PABPN1L: variants seen among roughly 807,000 people sequenced by gnomAD.
The protein encoded by PABPN1L is PABPN1 like, cytoplasmic.
In PABPN1L, 45 loss-of-function variants were observed where a neutral mutation model predicts 34.0. The ratio of observed to expected loss-of-function variants is 1.32; its 90% CI spans 1.04 to 1.70. The LOEUF (loss-of-function observed/expected upper bound fraction) is 1.70, where lower values mean the gene tolerates loss of function less well. Ranked by LOEUF, PABPN1L falls within the 40% of genes most tolerant of loss-of-function variation. The probability of loss-of-function intolerance (pLI) is 0.00; values close to 1 mark genes in which losing one functional copy is unlikely to be tolerated. For synonymous variants in PABPN1L, 182 were observed against 152.1 expected (o/e 1.20, Z -1.45); for missense variants, 459 against 367.8 (o/e 1.25, Z -2.03).
At chr16:88,867,805 T>G (rs965008070), upstream of PABPN1L, among the ~76,000 whole-genome samples, 6 of 152,132 alleles carry the variant, frequency 3.9e-5, no homozygotes, top group African/African-American at 1.4e-4. Flanking sequence ...CTGGCCTTCA[T>G]CTCCAGTGCT....
At position 88,865,793 on chromosome 16, in the gene PABPN1L, C is replaced by T. The variant is rs371144340; in HGVS notation, c.391+13G>A. The T allele has an allele frequency of 1.9e-5, 30 of 1,598,510 alleles. No homozygotes were observed. The highest frequency in any genetic ancestry group is 2.6e-5 in the Non-Finnish European group (30 of 1,172,602). On this transcript the variant is annotated intron_variant, in intron 2 of 6. Transcript: ENST00000419291. Reference sequence around the variant, plus strand: ...TTGCTCAGTGGGGGGCGGCCTGTGCCCTTGGTTCCTACCCACGGTCTCAGG... The same window carrying T: ...TTGCTCAGTGGGGGGCGGCCTGTGCTCTTGGTTCCTACCCACGGTCTCAGG...
At chr16:88,870,083 C>T (rs1321443383), upstream of PABPN1L, among the ~76,000 whole-genome samples, 1 of 151,980 alleles carries the variant, frequency 6.6e-6, no homozygotes, top group Non-Finnish European at 1.5e-5. Flanking sequence ...CCTGTGTCCC[C>T]TCAGTTTTCA....
Position 88,864,223 on chromosome 16 carries a change from A to G in PABPN1L, c.797+14T>C. 6.6e-7 allele frequency: 1 copy of G among 1,514,086 alleles called. No homozygotes were observed. Among genetic ancestry groups the G allele is most frequent in the Non-Finnish European group, 8.8e-7 (1 of 1,133,254 alleles). The allele number at this position is 1,514,086 out of a possible 1,614,324, so 93.8% of individuals were successfully genotyped here. A position where few individuals can be genotyped will look rare whatever the true frequency, so the allele number is the denominator to read the frequency against. On this transcript the variant is annotated intron_variant, in intron 6 of 6. Transcript: ENST00000419291. ...GCCCTCGCCCCCAGGCTGCCCCCAC[A>G]GGCACCCACTCACCGGTTCTGCCCT...
At chr16:88,868,007 GGAGA>G (rs1274665833), upstream of PABPN1L, among the ~76,000 whole-genome samples, 1 of 152,208 alleles carries the variant, frequency 6.6e-6, no homozygotes, top group East Asian at 1.9e-4. Context: ...GACTGGGGGA[GGAGA>G]GAGAGACAGG....
exon 7 of PABPN1L, chr16:88,863,749 C>T (rs1253204537): frequency 3.3e-6 from 5 of 1,536,132 alleles, no homozygotes; most frequent in Non-Finnish European, 4.4e-6. Flanking sequence ...AAAATCGGGT[C>T]TTCCCTTTAA....
upstream of PABPN1L, among the ~76,000 whole-genome samples, chr16:88,868,531 G>C (rs1384279360): frequency 6.6e-6 from 1 of 152,086 alleles, no homozygotes; most frequent in Non-Finnish European, 1.5e-5. Flanking sequence ...ACTTGAACCC[G>C]GGAGGCAGAG....
upstream of PABPN1L, chr16:88,866,722 C>T: frequency 7.3e-7 from 1 of 1,371,000 alleles, no homozygotes; most frequent in South Asian, 1.6e-5. Flanking sequence ...CAGCTGCTCC[C>T]ACTAGAGCAT....
upstream of PABPN1L, chr16:88,866,781 GC>G: frequency 1.1e-6 from 1 of 883,430 alleles, no homozygotes; most frequent in Non-Finnish European, 1.7e-6. Context: ...TCCCGGCCCC[GC>G]CCCTTCCCTG....
exon 6 of PABPN1L, chr16:88,864,271 C>T: frequency 1.3e-6 from 2 of 1,557,314 alleles, no homozygotes; most frequent in Non-Finnish European, 8.7e-7. Context: ...CGGGGCCTGC[C>T]CTGGAGGCCG....
At chr16:88,867,684 T>G (rs895039887), upstream of PABPN1L, among the ~76,000 whole-genome samples, 5 of 152,254 alleles carry the variant, frequency 3.3e-5, no homozygotes, top group East Asian at 9.6e-4. Flanking sequence ...TCAGTGGGCA[T>G]CCGGTGGTGT....
intron 6 of PABPN1L, 92 bp downstream of exon 6, chr16:88,864,145 C>T (rs1362266732): frequency 7.0e-7 from 1 of 1,432,686 alleles, no homozygotes; most frequent in Non-Finnish European, 9.2e-7. Flanking sequence ...TCCTGCAGCC[C>T]CATGAGGAAC....
chr16:88,869,351 C>T (rs1052988511), upstream of PABPN1L, among the ~76,000 whole-genome samples: 9 of 152,214 alleles, frequency 5.9e-5, no homozygotes, highest in African/African-American at 1.7e-4. Context: ...CACACACTTA[C>T]GTGTGCGTGG....
upstream of PABPN1L, among the ~76,000 whole-genome samples, chr16:88,867,249 C>T (rs1373317264): frequency 6.8e-6 from 1 of 147,044 alleles, no homozygotes; most frequent in African/African-American, 2.5e-5. Context: ...TTTTTTTAGG[C>T]AGGAGTCTTG....
At position 88,865,608 on chromosome 16, in the gene PABPN1L, G is replaced by A. The variant is rs376282457; in HGVS notation, c.414C>T (p.Pro138=). ...TGTGGTCAGCCTCCACCTTCTCCTCGGGGGTCCCAGAGAGGGGGCAGCCTG... is the reference window on the plus strand; with the variant it reads ...TGTGGTCAGCCTCCACCTTCTCCTCAGGGGTCCCAGAGAGGGGGCAGCCTG... Residue 138 remains proline (P), a synonymous_variant, in exon 3 of 7, where the codon CCC becomes CCT. Coordinates refer to ENST00000419291, the Ensembl canonical transcript of PABPN1L. 32 of 1,610,062 alleles carry A rather than the reference G, an allele frequency of 2.0e-5. No homozygotes were observed. In the African/African-American group the frequency reaches 2.3e-4, roughly 11 times the overall value.
intron 5 of PABPN1L, among the ~76,000 whole-genome samples, 192 bp from the exon 6 acceptor site, chr16:88,864,571 G>GGGGGGGGTCACGGCCAGCACCCCTGCAGA (rs1331158746): frequency 5.3e-5 from 7 of 131,300 alleles, no homozygotes; most frequent in African/African-American, 2.3e-4. Flanking sequence ...CCCCTGCAGA[G>GGGGGGGGTCACGGCCAGCACCCCTGCAGA]GGGGGGGTCA....
In PABPN1L at chr16:88,866,361, C is replaced by G. The variant is rs146771138; in HGVS notation, c.246G>C (p.Leu82Phe). 9.7e-3 allele frequency: 15,104 copies of G among 1,549,940 alleles called. 111 individuals are homozygous for G. The highest frequency in any genetic ancestry group is 0.023 in the Middle Eastern group (136 of 5,992). Residue 82 changes from leucine (L) to phenylalanine (F), a missense_variant, in exon 1 of 7, where the codon TTG (leucine) becomes TTC (phenylalanine). Physicochemically the swap from Leu to Phe is conservative, Grantham distance 22. Coordinates refer to ENST00000419291, the Ensembl canonical transcript of PABPN1L. Reference sequence around the variant, plus strand: ...TCCACACAGCTGTTACCTGGTCAGGCAATGGGCACTCAGCCAGGTTCTCTT... The same window carrying G: ...TCCACACAGCTGTTACCTGGTCAGGGAATGGGCACTCAGCCAGGTTCTCTT...
rs186926546 is a variant in PABPN1L, at chr16:88,864,283, T to C, written c.751A>G (p.Ser251Gly). 5.7e-4 allele frequency: 886 copies of C among 1,552,358 alleles called. 3 individuals are homozygous for C. In the African/African-American group the frequency reaches 0.012, roughly 20 times the overall value. Residue 251 changes from serine (S) to glycine (G), a missense_variant, in exon 6 of 7, where the codon AGC becomes GGC. Physicochemically the swap from Ser to Gly is moderately conservative, Grantham distance 56 (BLOSUM62 0). Coordinates refer to ENST00000419291, the Ensembl canonical transcript of PABPN1L. ...AGCCGGGGCCTGCCCTGGAGGCCGCTGTGGGGGAAGGGTGCCCCCCTGGAG... is the reference window on the plus strand; with the variant it reads ...AGCCGGGGCCTGCCCTGGAGGCCGCCGTGGGGGAAGGGTGCCCCCCTGGAG...
chr16:88,865,562 C>G lies in PABPN1L; in HGVS notation c.459+1G>C. 1.2e-6 allele frequency: 2 copies of G among 1,611,424 alleles called. No individual in the cohort carries two copies. Among genetic ancestry groups the G allele is most frequent in the Non-Finnish European group, 1.7e-6 (2 of 1,179,382 alleles). ...GCCCCTTCACCCCGCCCACCACTCACGTTGCCCACGTAGACGGATCTGTGG... is the reference window on the plus strand; with the variant it reads ...GCCCCTTCACCCCGCCCACCACTCAGGTTGCCCACGTAGACGGATCTGTGG... On this transcript the variant is annotated splice_donor_variant, in intron 3 of 6. Transcript: ENST00000419291. LOFTEE classifies it high-confidence loss of function.
At chr16:88,863,497 C>T (rs1219528245) in exon 7 of PABPN1L, 2 of 581,404 alleles carry the variant, frequency 3.4e-6, no homozygotes, top group East Asian at 2.9e-5. Context: ...CACCCAGAGC[C>T]CCGCAGATCC....
Sources: gnomAD v4.1 joint callset for allele counts (sites outside exome capture counted in the v4.1 genomes callset) on GRCh38, gnomAD v4.1.1 for gene constraint, MANE v1.5 for transcripts, NCBI Gene and HGNC (gene_info 2026-07-23, HGNC 2026-07-21) for gene names.